Variants in HS3ST5 observed in about 807,000 individuals in gnomAD.
The protein encoded by HS3ST5 is heparan sulfate-glucosamine 3-sulfotransferase 5, also known as heparan sulfate glucosamine 3-O-sulfotransferase 5.
In HS3ST5, 10 loss-of-function variants were observed where a neutral mutation model predicts 25.4. The ratio of observed to expected loss-of-function variants is 0.39; its 90% confidence interval spans 0.24 to 0.67. HS3ST5 has a LOEUF of 0.67. Ranked by LOEUF, HS3ST5 falls within the 30% of genes least tolerant of loss-of-function variation. HS3ST5 has a pLI of 0.44. For missense variants in HS3ST5, 324 were observed against 420.7 expected (o/e 0.77, Z 2.01); for synonymous variants, 170 against 162.4 (o/e 1.05, Z -0.36).
chr6:114,243,545 T>C (rs1772240031), intron 1 of HS3ST5, among the ~76,000 whole-genome samples: 2 of 152,216 alleles, frequency 1.3e-5, no homozygotes, highest in African/African-American at 4.8e-5. Context: ...TGGAATTGAA[T>C]AGCACAGCAC....
At chr6:114,325,012 A>C (rs539996891) in intron 1 of HS3ST5, among the ~76,000 whole-genome samples, 2 of 152,368 alleles carry the variant, frequency 1.3e-5, no homozygotes, top group South Asian at 4.1e-4. Flanking sequence ...ATCAGGAGAA[A>C]GAAACATTTA....
chr6:114,182,510 G>A (rs1441640440), intron 2 of HS3ST5, among the ~76,000 whole-genome samples: 1 of 152,098 alleles, frequency 6.6e-6, no homozygotes, highest in Admixed American at 6.5e-5. Flanking sequence ...ACCTCCTGGA[G>A]GCTAAGTTTT....
intron 1 of HS3ST5, among the ~76,000 whole-genome samples, chr6:114,245,819 T>C (rs766942673): frequency 6.6e-5 from 10 of 152,230 alleles, no homozygotes; most frequent in Non-Finnish European, 1.5e-4. Flanking sequence ...ACAGGCGTTA[T>C]GCATACAGGT....
At chr6:114,086,110 G>T (rs1247619627) in intron 3 of HS3ST5, among the ~76,000 whole-genome samples, 1 of 152,092 alleles carries the variant, frequency 6.6e-6, no homozygotes, top group Non-Finnish European at 1.5e-5. Flanking sequence ...ATTAAAGGCA[G>T]TGTGGAATTG....
chr6:114,274,893 G>A (rs1773783661), intron 1 of HS3ST5, among the ~76,000 whole-genome samples: 1 of 151,926 alleles, frequency 6.6e-6, no homozygotes, highest in Non-Finnish European at 1.5e-5. Flanking sequence ...CTAGTTCCCT[G>A]ACTATACAAC....
chr6:114,306,278 C>CACAT (rs762706534), intron 1 of HS3ST5, among the ~76,000 whole-genome samples: 3,113 of 141,410 alleles, frequency 0.022, 134 homozygotes, highest in African/African-American at 0.075. Context: ...CACACACACA[C>CACAT]ATATATATAT....
chr6:114,191,974 G>A (rs1029919577), intron 2 of HS3ST5, among the ~76,000 whole-genome samples: 1 of 152,046 alleles, frequency 6.6e-6, no homozygotes, highest in African/African-American at 2.4e-5. Flanking sequence ...CAAAGCCAAA[G>A]GTAACATATA....
chr6:114,179,801 C>T (rs1779883595), intron 2 of HS3ST5, among the ~76,000 whole-genome samples: 1 of 151,918 alleles, frequency 6.6e-6, no homozygotes, highest in African/African-American at 2.4e-5. Flanking sequence ...TGGCTCAGTC[C>T]AAGTCCCAAA....
chr6:114,067,807 G>A (rs1185860446), intron 3 of HS3ST5, among the ~76,000 whole-genome samples: 1 of 152,176 alleles, frequency 6.6e-6, no homozygotes, highest in Admixed American at 6.5e-5. Context: ...TAACATGAGT[G>A]AACCACTCAT....
chr6:114,159,023 ATGCTCTCCAT>A (rs1778821192), intron 3 of HS3ST5, among the ~76,000 whole-genome samples: 1 of 152,232 alleles, frequency 6.6e-6, no homozygotes, highest in African/African-American at 2.4e-5. Flanking sequence ...ATCTATGCCA[ATGCTCTCCAT>A]TGTAAAGAAG....
At chr6:114,164,726 G>T (rs774417936) in intron 3 of HS3ST5, among the ~76,000 whole-genome samples, 1 of 152,106 alleles carries the variant, frequency 6.6e-6, no homozygotes, top group Non-Finnish European at 1.5e-5. Context: ...AGAATAGAAA[G>T]AAATTTGGGT....
At chr6:114,100,308 T>G (rs888053150) in intron 3 of HS3ST5, among the ~76,000 whole-genome samples, 1 of 152,146 alleles carries the variant, frequency 6.6e-6, no homozygotes, top group Non-Finnish European at 1.5e-5. Context: ...TAGAGAGGCA[T>G]CCTACCACAC....
intron 3 of HS3ST5, among the ~76,000 whole-genome samples, chr6:114,104,010 A>G (rs1202769517): frequency 6.6e-6 from 1 of 151,694 alleles, no homozygotes; most frequent in Non-Finnish European, 1.5e-5. Context: ...CTATTGTTCT[A>G]ATTTTCAAAG....
At chr6:114,192,000 T>C (rs1780528036) in intron 2 of HS3ST5, among the ~76,000 whole-genome samples, 1 of 152,198 alleles carries the variant, frequency 6.6e-6, no homozygotes, top group Admixed American at 6.5e-5. Context: ...TAATATTTTA[T>C]AGAAACAGTT....
chr6:114,315,459 T>A (rs1300005641), intron 1 of HS3ST5, among the ~76,000 whole-genome samples: 2 of 152,106 alleles, frequency 1.3e-5, no homozygotes, highest in Non-Finnish European at 2.9e-5. Context: ...ATAGAAAAAA[T>A]TGCAAACAAT....
At chr6:114,185,365 T>C (rs1390296923) in intron 2 of HS3ST5, among the ~76,000 whole-genome samples, 2 of 152,178 alleles carry the variant, frequency 1.3e-5, no homozygotes, top group Non-Finnish European at 2.9e-5. Flanking sequence ...CCTTCTGCCA[T>C]GTGAAGACAC....
intron 3 of HS3ST5, among the ~76,000 whole-genome samples, chr6:114,138,219 G>A (rs1042492836): frequency 2.6e-5 from 4 of 152,080 alleles, no homozygotes; most frequent in African/African-American, 7.2e-5. Flanking sequence ...ATAGTTCTAG[G>A]TGCTGGGAAA....
intron 3 of HS3ST5, chr6:114,084,138 A>G (rs1582580788): frequency 1.5e-6 from 1 of 665,280 alleles, no homozygotes; most frequent in East Asian, 2.7e-5. Flanking sequence ...CCTTATTGCC[A>G]TGTTGCTTAA....
At chr6:114,336,665 T>C (rs944350498) in intron 1 of HS3ST5, among the ~76,000 whole-genome samples, 2 of 152,106 alleles carry the variant, frequency 1.3e-5, no homozygotes, top group African/African-American at 4.8e-5. Flanking sequence ...AAGAATGAAG[T>C]AACTTGCCCA....
Sources: allele counts gnomAD v4.1 joint callset (sites outside exome capture counted in the v4.1 genomes callset), GRCh38; gene constraint gnomAD v4.1.1; transcripts MANE v1.5; gene names NCBI Gene and HGNC (gene_info 2026-07-23, HGNC 2026-07-21).